The following OVCH2 variants were observed in gnomAD, a reference collection of about 807,000 sequenced individuals.
OVCH2 encodes ovochymase-2.
In OVCH2, 88 loss-of-function variants were observed where a neutral mutation model predicts 73.7. That is an observed-to-expected ratio of 1.19 (90% CI 1.01 to 1.43). The LOEUF (loss-of-function observed/expected upper bound fraction) is 1.43, where lower values mean the gene tolerates loss of function less well. OVCH2 is among the 40% of genes most tolerant of loss of function. The pLI, the probability that OVCH2 is intolerant of heterozygous loss-of-function variation, is 0.00. For synonymous variants in OVCH2, 265 were observed against 234.5 expected, an observed-to-expected ratio of 1.13 and a Z score of -1.19; for missense variants, 706 against 674.5, an observed-to-expected ratio of 1.05 and a Z score of -0.52.
At chr11:7,683,330 G>T in the OVCH2 span, among the ~76,000 whole-genome samples, 6 of 152,072 alleles carry the variant, frequency 3.9e-5, no homozygotes, top group Non-Finnish European at 5.9e-5. Context: ...AGTTGATCAG[G>T]CCAAAAGCCC....
In OVCH2 at chr11:7,695,104, G is replaced by A. The variant is rs758248970; in HGVS notation, c.1367C>T (p.Ala456Val). Residue 456 changes from alanine to valine, a missense_variant, in exon 12 of 16, where the codon GCT (alanine) becomes GTT (valine). Physicochemically the swap from Ala to Val is moderately conservative, Grantham distance 64. Coordinates refer to ENST00000533663, the MANE Select transcript of OVCH2 (RefSeq NM_198185.7). ...GGCTTGAAAAATCCAGTCACAGTTA[G>A]CCTTGTCACTGTAGTTTTCAGGATA... ...LNYPENYSDK[A>V]NCDWIFQASK... 13 of 1,552,096 alleles carry A rather than the reference G, an allele frequency of 8.4e-6. No homozygotes were observed. In the South Asian group the frequency reaches 1.4e-4, roughly 17 times the overall value.
Position 7,701,383 on chromosome 11 carries a change from T to C in OVCH2, c.652A>G (p.Ile218Val). The change falls in exon 6 of 16, where the codon ATC (isoleucine) becomes GTC (valine). Residue 218 changes from isoleucine to valine, a missense_variant. Ile to Val is a conservative substitution (Grantham distance 29). Transcript: ENST00000533663. Reference protein sequence around the residue: ...VAALLTLKRPISGKTFLCTGF... With the variant: ...VAALLTLKRPVSGKTFLCTGF... The stretch of plus-strand genomic sequence containing the variant: ...GTGCAAAGAAAGGTCTTCCCACTGA[T>C]GGGCCTCTTTAGTGTTAACAGAGCT... 1 of 1,613,278 alleles carries C rather than the reference T, an allele frequency of 6.2e-7. No homozygotes were observed. Among genetic ancestry groups the C allele is most frequent in the South Asian group, 1.1e-5 (1 of 90,834 alleles).
At chr11:7,686,080 G>A (rs1391866511), downstream of OVCH2, among the ~76,000 whole-genome samples, 1 of 152,192 alleles carries the variant, frequency 6.6e-6, no homozygotes, top group Admixed American at 6.5e-5. Context: ...CTTATATTCA[G>A]ATTTATCATT....
At chr11:7,685,944 A>AT (rs1361687084), downstream of OVCH2, among the ~76,000 whole-genome samples, 1 of 152,146 alleles carries the variant, frequency 6.6e-6, no homozygotes, top group Non-Finnish European at 1.5e-5. Flanking sequence ...CGGAAAACAG[A>AT]TCCAAAGGCC....
chr11:7,693,749 C>A (rs1339160841), intron 12 of OVCH2, among the ~76,000 whole-genome samples: 1 of 152,198 alleles, frequency 6.6e-6, no homozygotes, highest in Non-Finnish European at 1.5e-5. Context: ...CCCACTCATT[C>A]ATAAAACCTG....
intron 14 of OVCH2, among the ~76,000 whole-genome samples, chr11:7,690,325 G>A (rs1469462220): frequency 6.6e-5 from 10 of 152,200 alleles, no homozygotes; most frequent in Non-Finnish European, 1.2e-4. Flanking sequence ...TCCAGGGCCT[G>A]GAACTGGTGA....
chr11:7,697,893 C>A (rs1395351221), intron 8 of OVCH2, among the ~76,000 whole-genome samples: 1 of 152,176 alleles, frequency 6.6e-6, no homozygotes, highest in Non-Finnish European at 1.5e-5. Context: ...AATTAATCAG[C>A]TTTCTATTAC....
chr11:7,690,084 G>T (rs1856193261), intron 14 of OVCH2, 71 bp from the exon 15 acceptor site: 2 of 1,111,316 alleles, frequency 1.8e-6, no homozygotes, highest in South Asian at 2.8e-5. Context: ...ATCAGAAAAT[G>T]ATTTATGAAG....
At chr11:7,695,269 A>G in intron 11 of OVCH2, 81 bp from the exon 12 acceptor site, 1 of 1,411,474 alleles carries the variant, frequency 7.1e-7, no homozygotes, top group East Asian at 2.5e-5. Flanking sequence ...CTGTCTCCTG[A>G]AAATGATGCA....
rs769345974 is a variant in OVCH2 at position 7,701,397 on chromosome 11, G to A, written c.638C>T (p.Thr213Ile). 6.8e-6 allele frequency: 11 copies of A among 1,612,928 alleles called. No homozygotes were observed. The highest frequency in any genetic ancestry group is 8.5e-6 in the Non-Finnish European group (10 of 1,179,584). ...TWEECVAALL[T>I]LKRPISGKTF... ...CTTCCCACTGATGGGCCTCTTTAGT[G>A]TTAACAGAGCTGCCACACACTCTTC... The change falls in exon 6 of 16, where the codon ACA becomes ATA. Residue 213 changes from threonine to isoleucine, a missense_variant. Coordinates refer to ENST00000533663, the MANE Select transcript of OVCH2 (RefSeq NM_198185.7).
intron 15 of OVCH2, 148 bp downstream of exon 15, chr11:7,689,776 C>G (rs955761760): frequency 7.2e-6 from 5 of 696,058 alleles, no homozygotes; most frequent in African/African-American, 1.8e-5. Context: ...ACAACCCTAT[C>G]TCTAAATAAG....
At chr11:7,690,454 A>G (rs1231908473) in intron 14 of OVCH2, among the ~76,000 whole-genome samples, 1 of 152,076 alleles carries the variant, frequency 6.6e-6, no homozygotes, top group East Asian at 1.9e-4. Context: ...TTCCCTTAGT[A>G]GGGTTGAAAA....
chr11:7,679,385 G>A, the OVCH2 span, among the ~76,000 whole-genome samples: 2 of 152,158 alleles, frequency 1.3e-5, no homozygotes, highest in Admixed American at 6.5e-5. Flanking sequence ...TATGGTTTAG[G>A]TCTGTATCCC....
At chr11:7,691,146 A>G (rs1856211607) in intron 14 of OVCH2, 123 bp downstream of exon 14, 3 of 1,213,304 alleles carry the variant, frequency 2.5e-6, no homozygotes, top group Non-Finnish European at 2.3e-6. Context: ...TGGTGACTTG[A>G]TAGGATGTAA....
chr11:7,696,558 C>T lies in OVCH2; in HGVS notation c.1048G>A (p.Glu350Lys). Reference protein sequence around the residue: ...RCVWTLLVPEEMHVLLSFSHL... With the variant: ...RCVWTLLVPEKMHVLLSFSHL... ...GAAAAACTGAGCAACACATGCATTT[C>T]CTCTGGTACCAGCAGGGTCCAGACA... is the stretch of plus-strand genomic sequence containing the variant. Residue 350 changes from glutamate (E) to lysine (K), a missense_variant, in exon 10 of 16, where the codon GAA becomes AAA. Physicochemically the swap from Glu to Lys is moderately conservative, Grantham distance 56. Coordinates refer to ENST00000533663, the MANE Select transcript of OVCH2 (RefSeq NM_198185.7). The T allele has an allele frequency of 2.5e-6, 4 of 1,614,012 alleles. No individual in the cohort carries two copies. Among genetic ancestry groups the T allele is most frequent in the Non-Finnish European group, 3.4e-6 (4 of 1,179,904 alleles).
At chr11:7,701,132 G>A (rs1856429717) in intron 6 of OVCH2, among the ~76,000 whole-genome samples, 192 bp downstream of exon 6, 1 of 152,082 alleles carries the variant, frequency 6.6e-6, no homozygotes, top group African/African-American at 2.4e-5. Flanking sequence ...GAAATGGTTT[G>A]GATCTACCAT....
At chr11:7,684,941 C>T (rs867199378), downstream of OVCH2, among the ~76,000 whole-genome samples, 2 of 152,130 alleles carry the variant, frequency 1.3e-5, no homozygotes, top group Admixed American at 6.5e-5. Context: ...CTTGAGCCTG[C>T]CAGACTTATC....
rs1284063133 is a variant in OVCH2, at chr11:7,695,091, C to G, written c.1380G>C (p.Trp460Cys). The G allele has an allele frequency of 3.9e-6, 6 of 1,551,120 alleles. No homozygotes were observed. Among genetic ancestry groups the G allele is most frequent in the Non-Finnish European group, 4.4e-6 (5 of 1,146,928 alleles). The change falls in exon 12 of 16, where the codon TGG (tryptophan) becomes TGC (cysteine). Residue 460 changes from tryptophan to cysteine, a missense_variant. Trp to Cys is a radical substitution (Grantham distance 215, BLOSUM62 -2). Coordinates refer to ENST00000533663, the MANE Select transcript of OVCH2 (RefSeq NM_198185.7). ...ENYSDKANCDWIFQASKHHLI... is the reference protein window; with the variant it reads ...ENYSDKANCDCIFQASKHHLI... ...GGTGATGTTTGGAGGCTTGAAAAAT[C>G]CAGTCACAGTTAGCCTTGTCACTGT...
At chr11:7,701,512 C>T in intron 5 of OVCH2, 37 bp from the exon 6 acceptor site, 4 of 1,592,070 alleles carry the variant, frequency 2.5e-6, no homozygotes, top group Non-Finnish European at 3.4e-6. Context: ...AGCAGGAACT[C>T]TTTCACCCTT....
Sources: allele counts gnomAD v4.1 joint callset (sites outside exome capture counted in the v4.1 genomes callset), GRCh38; gene constraint gnomAD v4.1.1; transcripts MANE v1.5; gene names NCBI Gene and HGNC (gene_info 2026-07-23, HGNC 2026-07-21).